The following KDM4C variants were observed in gnomAD, a reference collection of about 807,000 sequenced individuals.
The protein encoded by KDM4C is lysine demethylase 4C, also known as lysine-specific demethylase 4C.
A neutral mutation model predicts 129.3 loss-of-function variants in KDM4C; 81 were observed. The ratio of observed to expected loss-of-function variants is 0.63; its 90% CI spans 0.52 to 0.75. KDM4C has a LOEUF of 0.75. KDM4C is among the 30% of genes least tolerant of loss of function. The pLI is 0.00. For missense variants in KDM4C, 1,457 were observed against 1,304.0 expected (o/e 1.12, Z -1.81); for synonymous variants, 573 against 456.1 (o/e 1.26, Z -3.26).
At chr9:6,981,221 C>A in intron 9 of KDM4C, 103 bp downstream of exon 9, 2 of 851,594 alleles carry the variant, frequency 2.3e-6, no homozygotes, top group Non-Finnish European at 3.6e-6. Context: ...ATTTATTCAT[C>A]ATAACTTAAT....
At chr9:7,057,185 C>G (rs77198751) in intron 17 of KDM4C, among the ~76,000 whole-genome samples, 6,896 of 152,218 alleles carry the variant, frequency 0.045, 206 homozygotes, top group East Asian at 0.1. Context: ...ACAAAGAAAG[C>G]TTTTTGTGTA....
At chr9:7,027,099 T>C (rs1197295992) in intron 15 of KDM4C, among the ~76,000 whole-genome samples, 1 of 152,128 alleles carries the variant, frequency 6.6e-6, no homozygotes, top group African/African-American at 2.4e-5. Flanking sequence ...GTGCCTTATT[T>C]AGTTTACTTG....
chr9:6,905,804 G>A (rs1818211263), intron 8 of KDM4C, among the ~76,000 whole-genome samples: 1 of 152,194 alleles, frequency 6.6e-6, no homozygotes, highest in Non-Finnish European at 1.5e-5. Context: ...ATCAGCCTGT[G>A]ACTTCATTCA....
intron 8 of KDM4C, among the ~76,000 whole-genome samples, chr9:6,972,327 C>A (rs1030540253): frequency 6.6e-6 from 1 of 151,692 alleles, no homozygotes; most frequent in Non-Finnish European, 1.5e-5. Context: ...CACACACACA[C>A]CTATTTTCTC....
At chr9:7,123,266 A>T (rs1839693732) in intron 18 of KDM4C, among the ~76,000 whole-genome samples, 1 of 152,172 alleles carries the variant, frequency 6.6e-6, no homozygotes, top group Admixed American at 6.6e-5. Flanking sequence ...TAAAGCCTGC[A>T]TCACCTTCCT....
chr9:6,787,534 C>G (rs1213645093), intron 1 of KDM4C, among the ~76,000 whole-genome samples: 1 of 152,212 alleles, frequency 6.6e-6, no homozygotes, highest in East Asian at 1.9e-4. Flanking sequence ...CGCCCAGGCC[C>G]AGAGCCATTC....
At chr9:7,090,873 G>A (rs1835712069) in intron 17 of KDM4C, among the ~76,000 whole-genome samples, 1 of 152,194 alleles carries the variant, frequency 6.6e-6, no homozygotes, top group Non-Finnish European at 1.5e-5. Flanking sequence ...CCATTGTTAT[G>A]ATTTCTCATA....
At chr9:7,010,430 C>T (rs1822480098) in intron 12 of KDM4C, among the ~76,000 whole-genome samples, 1 of 152,216 alleles carries the variant, frequency 6.6e-6, no homozygotes, top group African/African-American at 2.4e-5. Context: ...ATTTTGCCAT[C>T]AGTGCAAATC....
intron 11 of KDM4C, 120 bp from the exon 12 acceptor site, chr9:6,990,296 T>A (rs917814872): frequency 2.8e-6 from 2 of 711,966 alleles, no homozygotes; most frequent in Non-Finnish European, 4.9e-6. Flanking sequence ...CCCCAAGAGG[T>A]AAACAACCAC....
chr9:7,134,916 C>T (rs1254453437), intron 19 of KDM4C, among the ~76,000 whole-genome samples: 1 of 152,200 alleles, frequency 6.6e-6, no homozygotes, highest in East Asian at 1.9e-4. Context: ...GGGGTCCTGA[C>T]TAGTCTTACA....
chr9:6,846,545 A>G (rs1837883722), intron 4 of KDM4C, among the ~76,000 whole-genome samples: 3 of 126,118 alleles, frequency 2.4e-5, no homozygotes, highest in Admixed American at 1.7e-4. Context: ...TTGAAACAAT[A>G]AGATTTATCT....
At chr9:6,861,780 T>C (rs1563713283) in intron 5 of KDM4C, among the ~76,000 whole-genome samples, 1 of 150,370 alleles carries the variant, frequency 6.7e-6, no homozygotes, top group Non-Finnish European at 1.5e-5. Flanking sequence ...CTTTCTTTCT[T>C]TTTTTTTTTT....
In KDM4C at chr9:7,128,073, A is replaced by C; in HGVS notation, c.2618A>C (p.Lys873Thr). Residue 873 changes from lysine to threonine, a missense_variant, in exon 19 of 22, where the codon AAG becomes ACG. Physicochemically the swap from Lys to Thr is moderately conservative, Grantham distance 78. Transcript: ENST00000381309. ...TTGTGTCCCTTCTTTTAGAAGTCCAAGGCTTGCGAGAAGGTCATTTCCGTG... is the reference window on the plus strand; with the variant it reads ...TTGTGTCCCTTCTTTTAGAAGTCCACGGCTTGCGAGAAGGTCATTTCCGTG... The part of the protein sequence containing the change: ...RHKVNPNVKS[K>T]ACEKVISVGQ... 6 of 1,561,200 alleles carry C rather than the reference A, an allele frequency of 3.8e-6. No homozygotes were observed. The highest frequency in any genetic ancestry group is 5.2e-6 in the Non-Finnish European group (6 of 1,154,092).
At chr9:7,127,463 A>C (rs1448508599) in intron 18 of KDM4C, among the ~76,000 whole-genome samples, 1 of 152,178 alleles carries the variant, frequency 6.6e-6, no homozygotes, top group African/African-American at 2.4e-5. Context: ...AATCATGAGG[A>C]AACTTAAGAC....
intron 17 of KDM4C, among the ~76,000 whole-genome samples, chr9:7,053,564 G>A (rs1830496743): frequency 1.3e-5 from 2 of 152,064 alleles, no homozygotes; most frequent in Non-Finnish European, 2.9e-5. Context: ...ACAATTAAAT[G>A]GACAACAATG....
rs555489050 is a variant in KDM4C at position 6,835,037 on chromosome 9, G to A, written c.436-14470G>A. ...TACCTCATGAAGATCCTTACCGAGC[G>A]TGGCTACAGCTTCACCACCACGGCT... On this transcript the variant is annotated intron_variant, in intron 4 of 21. Coordinates refer to ENST00000381309, the MANE Select transcript of KDM4C (RefSeq NM_015061.6). The A allele has an allele frequency of 1.8e-3, 1,733 of 943,832 alleles. 5 individuals are homozygous for A. The highest frequency in any genetic ancestry group is 2.6e-3 in the Non-Finnish European group (1,502 of 569,704). The allele number at this position is 943,832 out of a possible 1,614,324, so 58.5% of individuals were successfully genotyped here.
At chr9:6,784,200 G>C (rs1463576630) in intron 1 of KDM4C, among the ~76,000 whole-genome samples, 1 of 152,110 alleles carries the variant, frequency 6.6e-6, no homozygotes, top group African/African-American at 2.4e-5. Flanking sequence ...TTACTGATGG[G>C]GAAGCAGAGG....
At chr9:6,961,324 G>A (rs1254288311) in intron 8 of KDM4C, among the ~76,000 whole-genome samples, 2 of 152,092 alleles carry the variant, frequency 1.3e-5, no homozygotes, top group Non-Finnish European at 2.9e-5. Context: ...CTAAACGTGG[G>A]GTGGTGAATA....
At chr9:6,799,737 T>G (rs1286514792) in intron 2 of KDM4C, among the ~76,000 whole-genome samples, 1 of 151,658 alleles carries the variant, frequency 6.6e-6, no homozygotes, top group African/African-American at 2.4e-5. Flanking sequence ...ATGAAGAGCC[T>G]GAATAAATCT....
Sources: allele counts gnomAD v4.1 joint callset (sites outside exome capture counted in the v4.1 genomes callset), GRCh38; gene constraint gnomAD v4.1.1; transcripts MANE v1.5; gene names NCBI Gene and HGNC (gene_info 2026-07-23, HGNC 2026-07-21).